GRB10: variants seen among roughly 807,000 people sequenced by gnomAD.
GRB10 encodes the protein growth factor receptor-bound protein 10.
Under a neutral mutation model 80.9 loss-of-function variants are expected in GRB10, and 20 were observed. The ratio of observed to expected loss-of-function variants is 0.25; its 90% confidence interval spans 0.17 to 0.36. The LOEUF is 0.36. Among genes scored for constraint, GRB10 ranks in the 10% least tolerant of loss-of-function variants. The probability of loss-of-function intolerance (pLI) is 1.00; values close to 1 mark genes in which losing one functional copy is unlikely to be tolerated. For missense variants in GRB10, 548 were observed against 747.7 expected (o/e 0.73, Z 3.12); for synonymous variants, 291 against 291.5 (o/e 1.00, Z 0.02).
rs1390943247 is a variant in GRB10 at position 50,590,722 on chromosome 7, G to A, written c.*2230C>T. The A allele has an allele frequency of 6.6e-6, 1 of 152,626 alleles. No homozygotes were observed. Among genetic ancestry groups the A allele is most frequent in the South Asian group, 2.1e-4 (1 of 4,832 alleles). 9.5% of individuals were successfully genotyped at this position (152,626 alleles called of 1,614,324 possible). On this transcript the variant is annotated 3_prime_UTR_variant, in exon 19 of 19. Transcript: ENST00000401949. ...CAGGTGGAATTCCCAGCCGCCCAGC[G>A]CGAGGCCAGCGAGCTGGGGCCTTAG...
chr7:50,632,248 C>T (rs145471112), intron 7 of GRB10, among the ~76,000 whole-genome samples: 7 of 152,134 alleles, frequency 4.6e-5, no homozygotes, highest in African/African-American at 7.2e-5. Context: ...AAAGAGAACA[C>T]GCATAATAAT....
chr7:50,697,418 T>C (rs1205782182), intron 5 of GRB10, among the ~76,000 whole-genome samples: 1 of 152,172 alleles, frequency 6.6e-6, no homozygotes, highest in Admixed American at 6.5e-5. Flanking sequence ...TGCTAAGAAA[T>C]GTGGGATGCA....
At chr7:50,763,772 A>ACT (rs2076031841) in intron 2 of GRB10, among the ~76,000 whole-genome samples, 1 of 151,734 alleles carries the variant, frequency 6.6e-6, no homozygotes, top group Non-Finnish European at 1.5e-5. Flanking sequence ...AGAGTCATCC[A>ACT]CTCCCTTCCA....
rs1224392117 is a variant in GRB10 at position 50,606,420 on chromosome 7, G to A, written c.1195-6C>T. On this transcript the variant is annotated splice_region_variant and splice_polypyrimidine_tract_variant and intron_variant, in intron 13 of 18. Transcript: ENST00000401949. ...TGGTAAAGGAGCATTCCATACTGGA[G>A]AGGAGAAGCCACAGTTAGTCACCGG... 6.2e-7 allele frequency: 1 copy of A among 1,612,482 alleles called. No individual in the cohort carries two copies. Among genetic ancestry groups the A allele is most frequent in the Non-Finnish European group, 8.5e-7 (1 of 1,178,492 alleles).
intron 5 of GRB10, among the ~76,000 whole-genome samples, chr7:50,679,614 C>A (rs1484640343): frequency 6.6e-6 from 1 of 152,178 alleles, no homozygotes; most frequent in South Asian, 2.1e-4. Flanking sequence ...GTGTGCGATG[C>A]CTTCAGAGCT....
intron 17 of GRB10, among the ~76,000 whole-genome samples, chr7:50,599,106 G>A (rs2047155159): frequency 6.6e-6 from 1 of 152,160 alleles, no homozygotes; most frequent in Non-Finnish European, 1.5e-5. Flanking sequence ...CAGGAAGGAA[G>A]CAGGCGGCAA....
Position 50,603,990 on chromosome 7 carries a change from T to C in GRB10, c.1544+8A>G, listed in dbSNP as rs2048076563. 1.2e-6 allele frequency: 2 copies of C among 1,600,176 alleles called. No individual in the cohort carries two copies. The highest frequency in any genetic ancestry group is 1.3e-5 in the African/African-American group (1 of 74,802). On this transcript the variant is annotated splice_region_variant and intron_variant, in intron 17 of 18. Coordinates refer to ENST00000401949, the MANE Select transcript of GRB10 (RefSeq NM_001350814.2). Reference sequence around the variant, plus strand: ...AGATGACAGCTCTTATCAGTGGTGGTTCCTTACCCATCCACGAGCCCTTGC... The same window carrying C: ...AGATGACAGCTCTTATCAGTGGTGGCTCCTTACCCATCCACGAGCCCTTGC...
chr7:50,637,517 A>T (rs1408226806), intron 7 of GRB10, among the ~76,000 whole-genome samples: 1 of 152,162 alleles, frequency 6.6e-6, no homozygotes, highest in Non-Finnish European at 1.5e-5. Context: ...CCACAAGGAA[A>T]ACTACAAACC....
intron 7 of GRB10, among the ~76,000 whole-genome samples, chr7:50,653,133 C>T (rs1486659836): frequency 1.3e-5 from 2 of 152,196 alleles, no homozygotes; most frequent in African/African-American, 2.4e-5. Context: ...TCAGCTGGCC[C>T]CAGTACGATG....
At chr7:50,791,736 T>C (rs2153717815) in intron 1 of GRB10, among the ~76,000 whole-genome samples, 1 of 152,352 alleles carries the variant, frequency 6.6e-6, no homozygotes, top group Non-Finnish European at 1.5e-5. Flanking sequence ...TTGGCCTGTG[T>C]TGCCCTTCTC....
chr7:50,598,265 T>C (rs1269606043), intron 17 of GRB10, among the ~76,000 whole-genome samples: 1 of 152,194 alleles, frequency 6.6e-6, no homozygotes, highest in Non-Finnish European at 1.5e-5. Context: ...GAAATAACAA[T>C]CACTGCAATC....
intron 2 of GRB10, among the ~76,000 whole-genome samples, chr7:50,769,854 C>T (rs1222236443): frequency 1.3e-5 from 2 of 152,152 alleles, no homozygotes; most frequent in African/African-American, 4.8e-5. Flanking sequence ...ATTAACACTC[C>T]TTTGTTCCAA....
chr7:50,732,209 T>C (rs1467683659), intron 4 of GRB10, 63 bp downstream of exon 4: 1 of 1,505,806 alleles, frequency 6.6e-7, no homozygotes, highest in Non-Finnish European at 9.2e-7. Context: ...GCTGGCGACA[T>C]GTGTGCCCTG....
chr7:50,650,868 TAG>T (rs5884160), intron 7 of GRB10, among the ~76,000 whole-genome samples: 62,623 of 151,914 alleles, frequency 0.41, 12,978 homozygotes, highest in Admixed American at 0.45. Context: ...AATCAAGGGA[TAG>T]AGAGAGGAGA....
At chr7:50,776,342 G>A (rs2077643339) in intron 2 of GRB10, among the ~76,000 whole-genome samples, 1 of 151,730 alleles carries the variant, frequency 6.6e-6, no homozygotes, top group African/African-American at 2.4e-5. Context: ...GTCCCCTTGA[G>A]TAGCTGGGGC....
rs996770196 is a variant in GRB10 at position 50,591,938 on chromosome 7, G to A, written c.*1014C>T. The A allele has an allele frequency of 1.3e-5, 2 of 152,206 alleles. No individual in the cohort carries two copies. The highest frequency in any genetic ancestry group is 4.8e-5 in the African/African-American group (2 of 41,424). 9.4% of individuals were successfully genotyped at this position (152,206 alleles called of 1,614,324 possible). A position where few individuals can be genotyped will look rare whatever the true frequency, so the allele number is the denominator to read the frequency against. ...TTCTCTTTAGATCCTTTAATCCCCC[G>A]AGGGACATCAGCCGTGAAACGACTC... On this transcript the variant is annotated 3_prime_UTR_variant, in exon 19 of 19. Transcript: ENST00000401949.
chr7:50,604,346 C>G lies in GRB10; in HGVS notation c.1421G>C (p.Ser474Thr). Residue 474 changes from serine to threonine, a missense_variant, in exon 16 of 19, where the codon AGC becomes ACC. Transcript: ENST00000401949. Reference protein sequence around the residue: ...KRSTRMNILGSQSPLHPSTLS... With the variant: ...KRSTRMNILGTQSPLHPSTLS... ...GGTAGAAGGGTGGAGGGGACTTTGG[C>G]TACCTAGGATGTTCATCCGTGTGCT... 6.2e-7 allele frequency: 1 copy of G among 1,613,668 alleles called. No individual in the cohort carries two copies. Among genetic ancestry groups the G allele is most frequent in the Non-Finnish European group, 8.5e-7 (1 of 1,179,884 alleles).
At chr7:50,708,962 C>A (rs6949038) in intron 4 of GRB10, among the ~76,000 whole-genome samples, 7 of 152,202 alleles carry the variant, frequency 4.6e-5, no homozygotes, top group African/African-American at 1.4e-4. Context: ...GCGTGAGCCA[C>A]AGTACCCAGC....
chr7:50,683,278 G>A (rs1038973443), intron 5 of GRB10, among the ~76,000 whole-genome samples: 2 of 152,214 alleles, frequency 1.3e-5, no homozygotes, highest in African/African-American at 4.8e-5. Flanking sequence ...CCTAGAGATA[G>A]TGGAATGGTG....
Sources: gnomAD v4.1 joint callset for allele counts (sites outside exome capture counted in the v4.1 genomes callset) on GRCh38, gnomAD v4.1.1 for gene constraint, MANE v1.5 for transcripts, NCBI Gene and HGNC (gene_info 2026-07-23, HGNC 2026-07-21) for gene names.